The following PDZD2 variants were observed in gnomAD, a reference collection of about 807,000 sequenced individuals.
PDZD2 encodes the protein PDZ domain containing 2, also known as PDZ domain-containing protein 2.
In PDZD2, 90 loss-of-function variants were observed where a neutral mutation model predicts 220.7. The observed-to-expected ratio is 0.41, with a 90% CI of 0.34 to 0.49. PDZD2 has a LOEUF of 0.49. Among genes scored for constraint, PDZD2 ranks in the 20% least tolerant of loss-of-function variants. The probability of loss-of-function intolerance (pLI) is 0.28; values close to 1 mark genes in which losing one functional copy is unlikely to be tolerated. For missense variants in PDZD2, 3,174 were observed against 3,608.5 expected, an observed-to-expected ratio of 0.88 and a Z score of 3.08; for synonymous variants, 1,375 against 1,450.5, an observed-to-expected ratio of 0.95 and a Z score of 1.18.
chr5:31,690,086 A>G (rs1201173211), intron 1 of PDZD2, among the ~76,000 whole-genome samples: 1 of 152,150 alleles, frequency 6.6e-6, no homozygotes, highest in African/African-American at 2.4e-5. Flanking sequence ...TAAAAAGATC[A>G]TTTGGGATCA....
intron 1 of PDZD2, among the ~76,000 whole-genome samples, chr5:31,678,257 C>T (rs4867366): frequency 0.75 from 113,497 of 152,054 alleles, 44,483 homozygotes; most frequent in Non-Finnish European, 0.88. Flanking sequence ...AGCTGCAGTG[C>T]ATCCGCCAAG....
At chr5:31,872,784 ATG>A (rs1375229635) in intron 2 of PDZD2, among the ~76,000 whole-genome samples, 8 of 151,006 alleles carry the variant, frequency 5.3e-5, no homozygotes, top group South Asian at 2.1e-4. Flanking sequence ...ACGTGTGTGT[ATG>A]TGTGTGTGTA....
At chr5:31,992,435 C>T (rs1751291431) in intron 3 of PDZD2, among the ~76,000 whole-genome samples, 2 of 81,746 alleles carry the variant, frequency 2.4e-5, no homozygotes, top group South Asian at 7.2e-4. Context: ...ACTCTTCTGT[C>T]AGTATATATA....
intron 2 of PDZD2, among the ~76,000 whole-genome samples, chr5:31,874,586 C>A (rs1027040661): frequency 6.6e-6 from 1 of 151,912 alleles, no homozygotes; most frequent in Non-Finnish European, 1.5e-5. Context: ...CATGGTGAAA[C>A]CCCATCTCTA....
chr5:31,708,889 T>A (rs72755424), intron 1 of PDZD2, among the ~76,000 whole-genome samples: 1 of 151,672 alleles, frequency 6.6e-6, no homozygotes, highest in African/African-American at 2.4e-5. Flanking sequence ...TTGTTTTTTT[T>A]TTTTTTTTAA....
intron 1 of PDZD2, among the ~76,000 whole-genome samples, chr5:31,711,335 G>A (rs1748092832): frequency 6.6e-6 from 1 of 152,190 alleles, no homozygotes; most frequent in South Asian, 2.1e-4. Context: ...CTGTGTGTAT[G>A]TGTGACAGGG....
chr5:31,749,988 A>C (rs1750848558), intron 1 of PDZD2, among the ~76,000 whole-genome samples: 1 of 152,146 alleles, frequency 6.6e-6, no homozygotes, highest in African/African-American at 2.4e-5. Context: ...TGGCTCCGAA[A>C]CCTGGGGCCA....
At chr5:31,808,591 C>T (rs905783870) in intron 2 of PDZD2, among the ~76,000 whole-genome samples, 4 of 152,184 alleles carry the variant, frequency 2.6e-5, no homozygotes, top group African/African-American at 9.6e-5. Flanking sequence ...GAGGTGGTTT[C>T]CTGGGGTCAA....
chr5:31,873,761 G>A (rs551866087), intron 2 of PDZD2, among the ~76,000 whole-genome samples: 25 of 146,564 alleles, frequency 1.7e-4, no homozygotes, highest in African/African-American at 6.1e-4. Flanking sequence ...ACAGAGTTCC[G>A]CTCTTGTTGC....
chr5:31,662,920 T>G (rs558103465), intron 1 of PDZD2, among the ~76,000 whole-genome samples: 74 of 152,250 alleles, frequency 4.9e-4, no homozygotes, highest in East Asian at 1.9e-3. Context: ...GTGAGCCACC[T>G]CACCTGGCCA....
intron 6 of PDZD2, among the ~76,000 whole-genome samples, chr5:32,011,429 G>A (rs545246120): frequency 6.6e-6 from 1 of 152,208 alleles, no homozygotes; most frequent in African/African-American, 2.4e-5. Context: ...AGCCTGAGAG[G>A]TCAAGCCTTC....
chr5:32,011,311 A>G (rs1753300070), intron 6 of PDZD2, among the ~76,000 whole-genome samples: 1 of 149,088 alleles, frequency 6.7e-6, no homozygotes, highest in South Asian at 2.1e-4. Flanking sequence ...CAACATGACG[A>G]AACCCCATCT....
chr5:31,671,820 G>C lies in PDZD2; in HGVS notation c.-361+32383G>C, dbSNP rs536353038. On this transcript the variant is annotated intron_variant, in intron 1 of 24. Transcript: ENST00000438447. ...CCACCCCTGCAAAGGCTCTGAGTCT[G>C]TAGTTATGCGGTCAGGTCTGAAGCT... Among the ~76,000 whole-genome samples, 3 of 152,316 alleles carry C rather than the reference G, an allele frequency of 2.0e-5. No homozygotes were observed. The South Asian group carries it at 6.2e-4, about 32-fold the overall frequency.
intron 1 of PDZD2, among the ~76,000 whole-genome samples, chr5:31,681,951 C>T (rs191965845): frequency 6.6e-6 from 1 of 152,286 alleles, no homozygotes; most frequent in East Asian, 1.9e-4. Context: ...AGTGGCATAG[C>T]TTAGATTCCT....
intron 1 of PDZD2, among the ~76,000 whole-genome samples, chr5:31,752,092 T>A (rs1751033002): frequency 7.0e-6 from 1 of 142,896 alleles, no homozygotes; most frequent in African/African-American, 2.6e-5. Flanking sequence ...TTTTTTTTTC[T>A]GAGACAAGGT....
chr5:32,073,727 T>G, intron 17 of PDZD2, 105 bp from the exon 18 acceptor site: 1 of 752,348 alleles, frequency 1.3e-6, no homozygotes. Context: ...TGTCTGGTGT[T>G]AGTGAATGTG....
intron 3 of PDZD2, among the ~76,000 whole-genome samples, chr5:31,988,818 C>A (rs770457912): frequency 6.6e-6 from 1 of 152,166 alleles, no homozygotes; most frequent in African/African-American, 2.4e-5. Context: ...GGTTTCTTCT[C>A]CCCTCTCCCA....
chr5:31,877,981 G>A (rs895166307), intron 2 of PDZD2, among the ~76,000 whole-genome samples: 11 of 152,038 alleles, frequency 7.2e-5, no homozygotes, highest in African/African-American at 2.4e-4. Context: ...GAGCCACCAC[G>A]CCTGGACTAT....
intron 1 of PDZD2, among the ~76,000 whole-genome samples, chr5:31,770,373 G>A (rs138316129): frequency 1.3e-5 from 2 of 152,280 alleles, no homozygotes; most frequent in African/African-American, 2.4e-5. Flanking sequence ...CCCCATATGT[G>A]CTTCAGAGAG....
Sources: gnomAD v4.1 joint callset for allele counts (sites outside exome capture counted in the v4.1 genomes callset) on GRCh38, gnomAD v4.1.1 for gene constraint, MANE v1.5 for transcripts, NCBI Gene and HGNC (gene_info 2026-07-23, HGNC 2026-07-21) for gene names.